Variants in ZC3H4 observed in about 807,000 individuals in gnomAD.
ZC3H4 encodes the protein zinc finger CCCH-type containing 4.
ZC3H4 carries 13 observed loss-of-function variants against 108.3 expected under a neutral mutation model. The observed-to-expected ratio is 0.12, with a 90% CI of 0.08 to 0.19. The LOEUF (loss-of-function observed/expected upper bound fraction) is 0.19, where lower values mean the gene tolerates loss of function less well. Among genes scored for constraint, ZC3H4 ranks in the 10% least tolerant of loss-of-function variants. The pLI is 1.00. For synonymous variants in ZC3H4, 917 were observed against 749.6 expected, an observed-to-expected ratio of 1.22 and a Z score of -3.65; for missense variants, 1,734 against 1,838.8, an observed-to-expected ratio of 0.94 and a Z score of 1.04.
Position 47,072,097 on chromosome 19 carries a change from TG to T in ZC3H4, c.1826del (p.Pro609GlnfsTer50). 1 of 1,551,354 alleles carries T rather than the reference TG, an allele frequency of 6.4e-7. No homozygotes were observed. Among genetic ancestry groups the T allele is most frequent in the Non-Finnish European group, 8.7e-7 (1 of 1,152,716 alleles). ...GVRFPGPGGP[P>X]GPMGPGPNMG... ...TGTTGGGCCCAGGGCCCATTGGCCC[TG>T]GGGGTCCACCGGGTCCAGGGAACCT... On this transcript the variant is annotated frameshift_variant, in exon 13 of 15. Coordinates refer to ENST00000253048, the MANE Select transcript of ZC3H4 (RefSeq NM_015168.2). LOFTEE classifies it high-confidence loss of function. The surrounding 1 kb of genome is among the most constrained non-coding windows in gnomAD (Gnocchi z 5.6).
rs117307984 is a variant in ZC3H4 at position 47,096,934 on chromosome 19, G to A, written c.162-2326C>T. On this transcript the variant is annotated intron_variant, in intron 2 of 14. Coordinates refer to ENST00000253048, the MANE Select transcript of ZC3H4 (RefSeq NM_015168.2). ...TTATGTCCAACACCGCGGCACAGCAGGCGACAGTCTTGCCCAGGGTCAGCT... is the reference window on the plus strand; with the variant it reads ...TTATGTCCAACACCGCGGCACAGCAAGCGACAGTCTTGCCCAGGGTCAGCT... 1,043 of 985,414 alleles carry A rather than the reference G, an allele frequency of 1.1e-3. 41 individuals are homozygous for A. The East Asian group carries it at 0.088, about 83-fold the overall frequency. 61.0% of individuals were successfully genotyped at this position (985,414 alleles called of 1,614,324 possible).
intron 2 of ZC3H4, chr19:47,097,002 GA>G: frequency 1.0e-6 from 1 of 985,376 alleles, no homozygotes; most frequent in Non-Finnish European, 1.2e-6. Flanking sequence ...TGGCTCGGAC[GA>G]AGGTACAGGC....
intron 11 of ZC3H4, among the ~76,000 whole-genome samples, chr19:47,077,628 C>A (rs542471130): frequency 2.0e-5 from 3 of 150,784 alleles, no homozygotes; most frequent in Non-Finnish European, 4.4e-5. Context: ...CCAAGGCGGG[C>A]GTGGATCACC....
chr19:47,066,542 T>C lies in ZC3H4; in HGVS notation c.3726A>G (p.Pro1242=). 3 of 1,551,312 alleles carry C rather than the reference T, an allele frequency of 1.9e-6. No homozygotes were observed. Among genetic ancestry groups the C allele is most frequent in the African/African-American group, 1.4e-5 (1 of 73,254 alleles). The change falls in exon 15 of 15, where the codon CCA becomes CCG. Residue 1242 remains proline, a synonymous_variant. Transcript: ENST00000253048. ...TTATPPPEGA[P]PQPGVHNLPV... ...GCAGGTTGTGCACCCCGGGCTGGGGTGGGGCACCCTCGGGGGGTGGGGTGG... is the reference window on the plus strand; with the variant it reads ...GCAGGTTGTGCACCCCGGGCTGGGGCGGGGCACCCTCGGGGGGTGGGGTGG...
chr19:47,095,881 G>GT (rs1191675275), intron 2 of ZC3H4, among the ~76,000 whole-genome samples: 1 of 152,174 alleles, frequency 6.6e-6, no homozygotes, highest in African/African-American at 2.4e-5. Flanking sequence ...GAGAAGTGAT[G>GT]TAAGGAGGAA....
intron 2 of ZC3H4, among the ~76,000 whole-genome samples, chr19:47,096,480 G>A (rs541098127): frequency 6.6e-6 from 1 of 152,346 alleles, no homozygotes; most frequent in South Asian, 2.1e-4. Context: ...AACTGGTTTT[G>A]TCCCAAGGGA....
In ZC3H4 at chr19:47,064,721, T is replaced by TAAAAAAAAAAA. The variant is rs574506165; in HGVS notation, c.*1624_*1634dup. 8.8e-6 allele frequency: 1 copy of TAAAAAAAAAAA among 113,122 alleles called. No homozygotes were observed. The highest frequency in any genetic ancestry group is 3.5e-5 in the African/African-American group (1 of 28,442). 7.0% of individuals were successfully genotyped at this position (113,122 alleles called of 1,614,324 possible). A position where few individuals can be genotyped will look rare whatever the true frequency, so the allele number is the denominator to read the frequency against. On this transcript the variant is annotated 3_prime_UTR_variant, in exon 15 of 15. Transcript: ENST00000253048. ...AAGACAAATCTCATTAATGATTGTG[T>TAAAAAAAAAAA]AAAAAAAAAAAAAAAAAAAAAGACA... is the stretch of plus-strand genomic sequence containing the variant.
rs2057191747 is a variant in ZC3H4, at chr19:47,066,242, AAAG to A, written c.*111_*113del. ...AGAGACGGAAAGCAAAAGAAAAAGA[AAAG>A]AAAAAAGGAACACCCAGCCTGCCTC... On this transcript the variant is annotated 3_prime_UTR_variant, in exon 15 of 15. Coordinates refer to ENST00000253048, the MANE Select transcript of ZC3H4 (RefSeq NM_015168.2). 5.1e-6 allele frequency: 4 copies of A among 784,872 alleles called. No homozygotes were observed. The highest frequency in any genetic ancestry group is 2.8e-5 in the South Asian group (1 of 36,108). The allele number at this position is 784,872 out of a possible 1,614,324, so 48.6% of individuals were successfully genotyped here. A position where few individuals can be genotyped will look rare whatever the true frequency, so the allele number is the denominator to read the frequency against.
chr19:47,096,173 C>A (rs563070948), intron 2 of ZC3H4, among the ~76,000 whole-genome samples: 12 of 152,266 alleles, frequency 7.9e-5, no homozygotes, highest in Admixed American at 3.9e-4. Flanking sequence ...CTATTTCAAA[C>A]CCAAGTGGCC....
chr19:47,084,532 C>T (rs1048997228), intron 8 of ZC3H4, 77 bp from the exon 9 acceptor site: 15 of 1,415,558 alleles, frequency 1.1e-5, no homozygotes, highest in Middle Eastern at 1.7e-4. Context: ...ATAAGAAGCA[C>T]GGGAGAAGGG....
At chr19:47,077,195 G>C (rs558949501) in intron 11 of ZC3H4, among the ~76,000 whole-genome samples, 2 of 151,664 alleles carry the variant, frequency 1.3e-5, no homozygotes, top group Non-Finnish European at 2.9e-5. Context: ...TATATATCAG[G>C]TGCGGTGGTT....
rs371673598 is a variant in ZC3H4, at chr19:47,079,271, C to T, written c.1440+2242G>A. Among the ~76,000 whole-genome samples, 87 of 151,476 alleles carry T rather than the reference C, an allele frequency of 5.7e-4. No individual in the cohort carries two copies. In the East Asian group the frequency reaches 0.011, roughly 18 times the overall value. ...CTTGAATTCCCAACCTCAGGTGATC[C>T]GTCTGCCTCGGCATCCCACAGTGGG... On this transcript the variant is annotated intron_variant, in intron 11 of 14. Transcript: ENST00000253048.
chr19:47,086,444 TCTGCCCCTGCCTCGG>T lies in ZC3H4; in HGVS notation c.795_809del (p.Ser265_Gly269del), dbSNP rs1048412950. ...CCGGGTGGTCTCCTCCCATAGAGCCTCTGCCCCTGCCTCGGCTGCCCCTGCCCATGCCGCGGCCTC... is the reference window on the plus strand; with the variant it reads ...CCGGGTGGTCTCCTCCCATAGAGCCTCTGCCCCTGCCCATGCCGCGGCCTC... On this transcript the variant is annotated inframe_deletion, in exon 6 of 15. Transcript: ENST00000253048. 1.9e-6 allele frequency: 3 copies of T among 1,612,856 alleles called. No homozygotes were observed. Among genetic ancestry groups the T allele is most frequent in the African/African-American group, 1.3e-5 (1 of 74,908 alleles).
chr19:47,112,368 T>C lies in ZC3H4; in HGVS notation c.161+56A>G, dbSNP rs895071302. On this transcript the variant is annotated intron_variant, in intron 2 of 14. Transcript: ENST00000253048. ...CCAACATGGCGGCCGCCCCCCTTCC[T>C]CCTCCTCCTCTTCCTCCCCCCGGGG... 4.1e-6 allele frequency: 5 copies of C among 1,226,416 alleles called. No homozygotes were observed. In the African/African-American group the frequency reaches 7.8e-5, roughly 19 times the overall value. 76.0% of individuals were successfully genotyped at this position (1,226,416 alleles called of 1,614,324 possible).
At chr19:47,102,729 T>G (rs1373084420) in intron 2 of ZC3H4, among the ~76,000 whole-genome samples, 1 of 137,004 alleles carries the variant, frequency 7.3e-6, no homozygotes, top group Non-Finnish European at 1.6e-5. Context: ...GACATCTGGA[T>G]AGAGAATAAG....
intron 2 of ZC3H4, among the ~76,000 whole-genome samples, chr19:47,098,053 A>G (rs997025165): frequency 7.9e-5 from 12 of 152,140 alleles, no homozygotes; most frequent in Non-Finnish European, 1.6e-4. Flanking sequence ...GCTCCCGGGT[A>G]TTTCGGTTCC....
rs60141836 is a variant in ZC3H4 at position 47,082,515 on chromosome 19, G to A, written c.1219-220C>T. Among the ~76,000 whole-genome samples the A allele has an allele frequency of 1.5e-4, 23 of 152,292 alleles. No individual in the cohort carries two copies. The East Asian group carries it at 4.1e-3, about 27-fold the overall frequency. On this transcript the variant is annotated intron_variant, in intron 9 of 14. Transcript: ENST00000253048. ...TTTTTGTAGAGACAGGTCTCACTAT[G>A]TTGCCCAGGCTGGTCTCAAACTCCT...
At chr19:47,094,677 G>C in intron 2 of ZC3H4, 69 bp from the exon 3 acceptor site, 1 of 1,537,868 alleles carries the variant, frequency 6.5e-7, no homozygotes, top group Non-Finnish European at 8.9e-7. Flanking sequence ...CTCTGGGCTG[G>C]CCAAGGCTGA....
intron 13 of ZC3H4, among the ~76,000 whole-genome samples, chr19:47,070,238 C>A (rs1211110537): frequency 6.6e-5 from 10 of 152,156 alleles, no homozygotes; most frequent in African/African-American, 1.9e-4. Flanking sequence ...CCTCCTGGGG[C>A]AGCTGAGCAT....
Sources: allele counts gnomAD v4.1 joint callset (sites outside exome capture counted in the v4.1 genomes callset), GRCh38; gene constraint gnomAD v4.1.1; non-coding constraint Gnocchi (gnomAD v3.1); transcripts MANE v1.5; gene names NCBI Gene and HGNC (gene_info 2026-07-23, HGNC 2026-07-21).